IMMP2L: variants seen among roughly 807,000 people sequenced by gnomAD.
IMMP2L encodes the protein mitochondrial inner membrane protease subunit 2.
Under a neutral mutation model 19.3 loss-of-function variants are expected in IMMP2L, and 18 were observed. That is an observed-to-expected ratio of 0.93 (90% CI 0.64 to 1.38). The LOEUF (loss-of-function observed/expected upper bound fraction) is 1.38, where lower values mean the gene tolerates loss of function less well. Among genes scored for constraint, IMMP2L ranks in the 40% most tolerant of loss-of-function variants. The probability of loss-of-function intolerance (pLI) is 0.00; values close to 1 mark genes in which losing one functional copy is unlikely to be tolerated. For synonymous variants in IMMP2L, 76 were observed against 73.0 expected, an observed-to-expected ratio of 1.04 and a Z score of -0.21; for missense variants, 233 against 218.2, an observed-to-expected ratio of 1.07 and a Z score of -0.43.
At chr7:110,846,670 C>T (rs2131495696) in intron 5 of IMMP2L, among the ~76,000 whole-genome samples, 1 of 152,022 alleles carries the variant, frequency 6.6e-6, no homozygotes, top group Admixed American at 6.6e-5. Context: ...CTAGCTCAAA[C>T]CCTGATTTCT....
intron 1 of IMMP2L, among the ~76,000 whole-genome samples, chr7:111,559,319 G>C (rs1329961566): frequency 6.6e-6 from 1 of 152,102 alleles, no homozygotes; most frequent in Non-Finnish European, 1.5e-5. Flanking sequence ...ATGACAGTTT[G>C]GACATGAAGC....
At chr7:111,029,676 A>G (rs1282507618) in intron 3 of IMMP2L, among the ~76,000 whole-genome samples, 1 of 152,180 alleles carries the variant, frequency 6.6e-6, no homozygotes, top group Non-Finnish European at 1.5e-5. Flanking sequence ...CTACCAAGTT[A>G]GAAGAAAATG....
At chr7:111,509,275 T>C (rs992450928) in intron 2 of IMMP2L, among the ~76,000 whole-genome samples, 2 of 152,132 alleles carry the variant, frequency 1.3e-5, no homozygotes, top group African/African-American at 4.8e-5. Flanking sequence ...CATTAATAAG[T>C]ACCCCAGATT....
intron 2 of IMMP2L, 139 bp downstream of exon 2, chr7:111,521,174 A>T (rs1846291524): frequency 1.2e-5 from 11 of 888,620 alleles, no homozygotes; most frequent in South Asian, 5.7e-5. Context: ...GAACAAATTC[A>T]GTAAAGTAAA....
chr7:110,756,745 T>C (rs1051089330), intron 5 of IMMP2L, among the ~76,000 whole-genome samples: 1 of 152,126 alleles, frequency 6.6e-6, no homozygotes, highest in Non-Finnish European at 1.5e-5. Context: ...TGCCTTTATA[T>C]AGAAAATTGT....
intron 5 of IMMP2L, among the ~76,000 whole-genome samples, chr7:110,716,232 T>C (rs1042274407): frequency 6.6e-6 from 1 of 151,550 alleles, no homozygotes; most frequent in Non-Finnish European, 1.5e-5. Flanking sequence ...GGATGGATGG[T>C]TTTTCTTTTC....
chr7:111,532,636 C>G (rs1484889904), intron 1 of IMMP2L: 1 of 152,098 alleles, frequency 6.6e-6, no homozygotes, highest in African/African-American at 2.4e-5. Context: ...AAAAGTAGGA[C>G]TGAAAAATAC....
chr7:110,769,997 A>C (rs138856894), intron 5 of IMMP2L, among the ~76,000 whole-genome samples: 28 of 152,232 alleles, frequency 1.8e-4, no homozygotes, highest in Admixed American at 4.6e-4. Context: ...AAGTAGATAG[A>C]AGCCAATGAA....
chr7:110,964,114 T>A lies in IMMP2L; in HGVS notation c.240-549A>T, dbSNP rs115692911. The stretch of plus-strand genomic sequence containing the variant: ...AGAAGATGTGCCTCACTTCCCCGTA[T>A]CCTTCTGCTACGATTGCAAGTTTCC... On this transcript the variant is annotated intron_variant, in intron 3 of 5. Transcript: ENST00000405709. Among the ~76,000 whole-genome samples, 671 of 152,146 alleles carry A rather than the reference T, an allele frequency of 4.4e-3. 7 individuals are homozygous for A. Among genetic ancestry groups the A allele is most frequent in the African/African-American group, 0.016 (647 of 41,540 alleles).
intron 3 of IMMP2L, among the ~76,000 whole-genome samples, chr7:111,382,440 G>A (rs1831294401): frequency 1.3e-5 from 2 of 152,036 alleles, no homozygotes; most frequent in Non-Finnish European, 2.9e-5. Context: ...AAGCAGGACT[G>A]CCAAAGACTC....
chr7:110,889,720 T>A (rs1563057356), intron 4 of IMMP2L, among the ~76,000 whole-genome samples: 2 of 152,176 alleles, frequency 1.3e-5, no homozygotes, highest in African/African-American at 4.8e-5. Context: ...TACAACATAG[T>A]CTCTGGAGCC....
chr7:111,308,743 A>G (rs1365426891), intron 3 of IMMP2L, among the ~76,000 whole-genome samples: 2 of 152,024 alleles, frequency 1.3e-5, no homozygotes, highest in Non-Finnish European at 2.9e-5. Context: ...GGGGGAAAAA[A>G]AGATGTATTC....
intron 3 of IMMP2L, among the ~76,000 whole-genome samples, chr7:111,036,892 C>T (rs182772343): frequency 1.3e-5 from 2 of 152,170 alleles, no homozygotes; most frequent in African/African-American, 4.8e-5. Context: ...TAAGAAATCA[C>T]CATGTGGGTT....
intron 5 of IMMP2L, among the ~76,000 whole-genome samples, chr7:110,818,750 C>G (rs1180955680): frequency 4.6e-5 from 7 of 151,988 alleles, no homozygotes; most frequent in Admixed American, 3.9e-4. Context: ...GAAAATGTGG[C>G]ACATATACAC....
chr7:111,057,524 T>A (rs2129574118), intron 3 of IMMP2L, among the ~76,000 whole-genome samples: 1 of 152,360 alleles, frequency 6.6e-6, no homozygotes, highest in African/African-American at 2.4e-5. Context: ...CATGGGCATT[T>A]ATTGTACAGA....
At chr7:111,448,415 C>T (rs1255703814) in intron 3 of IMMP2L, among the ~76,000 whole-genome samples, 36 of 151,640 alleles carry the variant, frequency 2.4e-4, no homozygotes, top group African/African-American at 8.5e-4. Context: ...CACTAAAAGC[C>T]GCTCAACTAC....
chr7:111,179,407 G>A (rs1364078782), intron 3 of IMMP2L, among the ~76,000 whole-genome samples: 1 of 151,768 alleles, frequency 6.6e-6, no homozygotes, highest in Non-Finnish European at 1.5e-5. Flanking sequence ...ATCAGCTGTT[G>A]GTAGTGTTCG....
chr7:110,777,640 AAT>A (rs1397061422), intron 5 of IMMP2L, among the ~76,000 whole-genome samples: 2 of 152,020 alleles, frequency 1.3e-5, no homozygotes, highest in African/African-American at 2.4e-5. Flanking sequence ...TCATTCTATA[AAT>A]ATGTTTGGCA....
intron 3 of IMMP2L, among the ~76,000 whole-genome samples, chr7:111,405,334 G>A (rs963407767): frequency 1.3e-5 from 2 of 151,710 alleles, no homozygotes; most frequent in Admixed American, 6.6e-5. Context: ...AAAAGTTCAG[G>A]AACAGAAAAT....
Sources: gnomAD v4.1 joint callset for allele counts (sites outside exome capture counted in the v4.1 genomes callset) on GRCh38, gnomAD v4.1.1 for gene constraint, MANE v1.5 for transcripts, NCBI Gene and HGNC (gene_info 2026-07-23, HGNC 2026-07-21) for gene names.